SOX5: variants seen among roughly 807,000 people sequenced by gnomAD.
SOX5 encodes SRY-box transcription factor 5.
Under a neutral mutation model 92.0 loss-of-function variants are expected in SOX5, and 9 were observed. The observed-to-expected ratio is 0.10, with a 90% CI of 0.06 to 0.17. The LOEUF is 0.17. Among genes scored for constraint, SOX5 ranks in the 10% least tolerant of loss-of-function variants. SOX5 has a pLI of 1.00. For synonymous variants in SOX5, 344 were observed against 336.3 expected, an observed-to-expected ratio of 1.02 and a Z score of -0.25; for missense variants, 642 against 944.5, an observed-to-expected ratio of 0.68 and a Z score of 4.20.
At chr12:24,401,354 GGGAA>G (rs957585728) in intron 1 of SOX5, among the ~76,000 whole-genome samples, 4 of 29,152 alleles carry the variant, frequency 1.4e-4, no homozygotes, top group Non-Finnish European at 3.5e-4. Context: ...TCCATCTCAG[GGGAA>G]AAAAAAAAAA....
chr12:23,618,158 A>G (rs1196096215), intron 8 of SOX5, among the ~76,000 whole-genome samples: 2 of 152,240 alleles, frequency 1.3e-5, no homozygotes, highest in African/African-American at 4.8e-5. Flanking sequence ...TCTATGTATC[A>G]GTGATTATAC....
chr12:23,871,498 G>A (rs1360976739), intron 2 of SOX5, among the ~76,000 whole-genome samples: 1 of 151,856 alleles, frequency 6.6e-6, no homozygotes, highest in East Asian at 1.9e-4. Context: ...GACATGAGAG[G>A]AGAAAAAAGG....
chr12:24,026,562 C>T (rs1003384328), intron 4 of SOX5, among the ~76,000 whole-genome samples: 4 of 134,016 alleles, frequency 3.0e-5, no homozygotes, highest in African/African-American at 1.1e-4. Flanking sequence ...CCAGCCTGGG[C>T]GACAAGGCAA....
rs36026440 is a variant in SOX5, at chr12:24,557,400, C to CAA, written c.-251+4927_-251+4928dup. ...CTGGTGGCAGAGCAAGACTTCATTT[C>CAA]AAAAAAAAAAAAAAGAAAGAAAGAA... On this transcript the variant is annotated intron_variant, in intron 1 of 4. Transcript: ENST00000446891. Among the ~76,000 whole-genome samples the CAA allele has an allele frequency of 1.1e-3, 113 of 105,382 alleles. 1 individual carries two copies. The highest frequency in any genetic ancestry group is 3.3e-3 in the Admixed American group (31 of 9,404). 69.1% of individuals were successfully genotyped at this position (105,382 alleles called of 152,430 possible). A position where few individuals can be genotyped will look rare whatever the true frequency, so the allele number is the denominator to read the frequency against.
At chr12:23,773,190 T>A (rs922188867) in intron 3 of SOX5, among the ~76,000 whole-genome samples, 1 of 152,150 alleles carries the variant, frequency 6.6e-6, no homozygotes, top group Non-Finnish European at 1.5e-5. Flanking sequence ...ATTTTATATA[T>A]ATAGATATGA....
intron 2 of SOX5, among the ~76,000 whole-genome samples, chr12:24,331,919 A>AATAT (rs1951376919): frequency 1.3e-5 from 2 of 150,366 alleles, no homozygotes; most frequent in Non-Finnish European, 1.5e-5. Flanking sequence ...GGTGAAATTA[A>AATAT]GTATGTAAAG....
At chr12:24,503,194 AG>A (rs901722007) in intron 1 of SOX5, among the ~76,000 whole-genome samples, 5 of 152,238 alleles carry the variant, frequency 3.3e-5, no homozygotes, top group African/African-American at 1.2e-4. Context: ...TACAAAAAAA[AG>A]TATTATCTCT....
At chr12:24,091,143 C>A (rs1381032775) in intron 4 of SOX5, among the ~76,000 whole-genome samples, 1 of 152,162 alleles carries the variant, frequency 6.6e-6, no homozygotes, top group Admixed American at 6.5e-5. Flanking sequence ...GAGAAGAAAT[C>A]ACAATGTTTC....
chr12:24,204,208 C>A (rs1455325553), intron 4 of SOX5, among the ~76,000 whole-genome samples: 1 of 152,020 alleles, frequency 6.6e-6, no homozygotes, highest in Non-Finnish European at 1.5e-5. Flanking sequence ...CTGTTTTCTT[C>A]AACTAGCCTC....
At chr12:24,562,236 G>C (rs2139102992) in intron 1 of SOX5, 1 of 152,548 alleles carries the variant, frequency 6.6e-6, no homozygotes, top group African/African-American at 2.4e-5. Flanking sequence ...CTGAGTGGCG[G>C]GCCCGGCGAG....
At chr12:23,543,532 T>C in intron 12 of SOX5, 148 bp from the exon 13 acceptor site, 2 of 545,190 alleles carry the variant, frequency 3.7e-6, no homozygotes, top group Non-Finnish European at 6.3e-6. Context: ...AGATGCTTGT[T>C]TATGAAGTTT....
chr12:23,562,890 T>C (rs865857095), intron 11 of SOX5, among the ~76,000 whole-genome samples: 2 of 152,230 alleles, frequency 1.3e-5, no homozygotes, highest in Admixed American at 6.5e-5. Flanking sequence ...AAGCTTATGC[T>C]GATTAAAGAA....
intron 1 of SOX5, among the ~76,000 whole-genome samples, chr12:24,557,503 A>G (rs538654720): frequency 6.6e-6 from 1 of 152,234 alleles, no homozygotes; most frequent in Non-Finnish European, 1.5e-5. Flanking sequence ...TGGATGAATC[A>G]CAGACCTACA....
intron 4 of SOX5, among the ~76,000 whole-genome samples, chr12:24,048,127 T>C (rs1030412718): frequency 1.3e-5 from 2 of 152,324 alleles, no homozygotes; most frequent in East Asian, 1.9e-4. Flanking sequence ...CAGCACTGCA[T>C]GAACAGCTTT....
At chr12:24,431,540 T>C (rs1371414902) in intron 1 of SOX5, among the ~76,000 whole-genome samples, 1 of 152,186 alleles carries the variant, frequency 6.6e-6, no homozygotes, top group Non-Finnish European at 1.5e-5. Context: ...TATTATTTTG[T>C]GTTCTTTTGT....
intron 4 of SOX5, among the ~76,000 whole-genome samples, chr12:24,066,918 C>A (rs1030429998): frequency 2.0e-5 from 3 of 152,184 alleles, no homozygotes; most frequent in African/African-American, 7.2e-5. Flanking sequence ...AGAGAACTAA[C>A]TCTACCAGTG....
At chr12:24,162,503 T>C (rs751693825) in intron 4 of SOX5, among the ~76,000 whole-genome samples, 11 of 152,242 alleles carry the variant, frequency 7.2e-5, no homozygotes, top group Admixed American at 5.9e-4. Context: ...CTAAATGCCA[T>C]AGAGTAAGGA....
At chr12:24,552,691 T>G (rs1313302743) in intron 1 of SOX5, among the ~76,000 whole-genome samples, 2 of 152,234 alleles carry the variant, frequency 1.3e-5, no homozygotes, top group Admixed American at 6.5e-5. Context: ...TATTTGATAA[T>G]AAGCAACATT....
intron 2 of SOX5, among the ~76,000 whole-genome samples, chr12:23,863,175 T>C (rs1020295140): frequency 2.0e-5 from 3 of 152,228 alleles, no homozygotes; most frequent in Non-Finnish European, 2.9e-5. Flanking sequence ...ACTTTTTCCA[T>C]GGCAATATTG....
Sources: gnomAD v4.1 joint callset for allele counts (sites outside exome capture counted in the v4.1 genomes callset) on GRCh38, gnomAD v4.1.1 for gene constraint, MANE v1.5 for transcripts, NCBI Gene and HGNC (gene_info 2026-07-23, HGNC 2026-07-21) for gene names.